RRN3: variants seen among roughly 807,000 people sequenced by gnomAD.
The protein encoded by RRN3 is RNA polymerase I-specific transcription initiation factor RRN3.
In RRN3, 38 loss-of-function variants were observed where a neutral mutation model predicts 82.3. That is an observed-to-expected ratio of 0.46 (90% confidence interval 0.36 to 0.61). RRN3 has a LOEUF of 0.61. Among genes scored for constraint, RRN3 ranks in the 20% least tolerant of loss-of-function variants. The probability of loss-of-function intolerance (pLI) is 0.00; values close to 1 mark genes in which losing one functional copy is unlikely to be tolerated. For synonymous variants in RRN3, 284 were observed against 284.3 expected (o/e 1.00, Z 0.01); for missense variants, 726 against 793.1 (o/e 0.92, Z 1.02).
At chr16:15,091,274 T>C (rs943730991) in intron 3 of RRN3, 41 bp downstream of exon 3, 62 of 1,604,482 alleles carry the variant, frequency 3.9e-5, no homozygotes, top group Non-Finnish European at 5.1e-5. Flanking sequence ...CTGTATACAG[T>C]GGCAATAATT....
Position 15,094,125 on chromosome 16 carries a change from G to A in RRN3, c.89+20C>T. 6.3e-7 allele frequency: 1 copy of A among 1,581,056 alleles called. No individual in the cohort carries two copies. Among genetic ancestry groups the A allele is most frequent in the Non-Finnish European group, 8.6e-7 (1 of 1,161,418 alleles). On this transcript the variant is annotated intron_variant, in intron 1 of 17. Transcript: ENST00000198767. ...GAGCTTTCGTCCCAGATACGCAGAA[G>A]GAAGCGGCCTGAATCTTACCCAGTC...
In RRN3 at chr16:15,075,612, A is replaced by G. The variant is rs2151788670; in HGVS notation, c.859-751T>C. Among the ~76,000 whole-genome samples, 2 of 152,012 alleles carry G rather than the reference A, an allele frequency of 1.3e-5. 1 individual carries two copies. The highest frequency in any genetic ancestry group is 4.2e-4 in the South Asian group (2 of 4,804). ...AGAAAAGAAAGAAAGAAATGCAGAC[A>G]CCTTTCCAGGCAGGGGTCTCATTCA... On this transcript the variant is annotated intron_variant, in intron 10 of 17. Transcript: ENST00000198767.
At chr16:15,081,016 T>C (rs2045681205) in intron 8 of RRN3, among the ~76,000 whole-genome samples, 1 of 152,162 alleles carries the variant, frequency 6.6e-6, no homozygotes, top group South Asian at 2.1e-4. Context: ...TAATACACAG[T>C]CTTTTGGCAT....
Position 15,078,812 on chromosome 16 carries a change from C to CT in RRN3, c.765+1185dup, listed in dbSNP as rs5816111. 1.3e-3 allele frequency among the ~76,000 whole-genome samples: 155 copies of CT among 117,644 alleles called. 1 individual carries two copies. Among genetic ancestry groups the CT allele is most frequent in the South Asian group, 1.7e-3 (6 of 3,536 alleles). 77.2% of individuals were successfully genotyped at this position (117,644 alleles called of 152,430 possible). The stretch of plus-strand genomic sequence containing the variant: ...AACTGCCTCCTCTTCGTATTTTTTT[C>CT]TTTTTTTTTTTTTTTTTGAGACAGA... On this transcript the variant is annotated intron_variant, in intron 9 of 17. Coordinates refer to ENST00000198767, the MANE Select transcript of RRN3 (RefSeq NM_018427.5).
In RRN3 at chr16:15,073,030, T is replaced by G. The variant is rs752435213; in HGVS notation, c.1048A>C (p.Ile350Leu). The G allele has an allele frequency of 2.3e-5, 37 of 1,613,174 alleles. No homozygotes were observed. The highest frequency in any genetic ancestry group is 8.4e-5 in the Admixed American group (5 of 59,796). The change falls in exon 12 of 18, where the codon ATC (isoleucine) becomes CTC (leucine). Residue 350 changes from isoleucine (I) to leucine (L), a missense_variant. Physicochemically the swap from Ile to Leu is conservative, Grantham distance 5. This residue lies in a region of RRN3 where 344 missense variants were observed against 394.5 expected (regional missense o/e 0.87). Coordinates refer to ENST00000198767, the MANE Select transcript of RRN3 (RefSeq NM_018427.5). ...GTGGGCAACAGGAGTTTGTCAAAGATGTTTATCAGGTCGCGATATAGATCC... is the reference window on the plus strand; with the variant it reads ...GTGGGCAACAGGAGTTTGTCAAAGAGGTTTATCAGGTCGCGATATAGATCC... ...TKDLYRDLIN[I>L]FDKLLLPTHA... is the part of the protein sequence containing the mutation.
rs780666887 is a variant in RRN3, at chr16:15,080,059, T to C, written c.704A>G (p.Tyr235Cys). 6.2e-7 allele frequency: 1 copy of C among 1,603,184 alleles called. No homozygotes were observed. The highest frequency in any genetic ancestry group is 1.3e-5 in the African/African-American group (1 of 74,610). ...AATTTCATGCCTCAAGGTTGGAAAA[T>C]ATACACTAATCCTTAGTAAGTTATG... Reference protein sequence around the residue: ...YVHNLLRISVYFPTLRHEILE... With the variant: ...YVHNLLRISVCFPTLRHEILE... The change falls in exon 9 of 18, where the codon TAT becomes TGT. Residue 235 changes from tyrosine (Y) to cysteine (C), a missense_variant. Tyr to Cys is a radical substitution (Grantham distance 194). Transcript: ENST00000198767.
In RRN3 at chr16:15,066,636, T is replaced by TA. The variant is rs67409412; in HGVS notation, c.1554-1266dup. On this transcript the variant is annotated intron_variant, in intron 15 of 17. Transcript: ENST00000198767. ...TGACAGAGCAAGACCTTGTCTCAAATAAAAAAAAAAAAAAAGACAAAAACT... is the reference window on the plus strand; with the variant it reads ...TGACAGAGCAAGACCTTGTCTCAAATAAAAAAAAAAAAAAAAGACAAAAACT... 7.1e-3 allele frequency among the ~76,000 whole-genome samples: 748 copies of TA among 105,444 alleles called. 5 individuals are homozygous for TA. Among genetic ancestry groups the TA allele is most frequent in the African/African-American group, 0.025 (600 of 24,050 alleles). The allele number at this position is 105,444 out of a possible 152,430, so 69.2% of individuals were successfully genotyped here.
rs982430152 is a variant in RRN3 at position 15,084,654 on chromosome 16, C to G, written c.584G>C (p.Arg195Thr). The G allele has an allele frequency of 6.2e-7, 1 of 1,610,104 alleles. No homozygotes were observed. The highest frequency in any genetic ancestry group is 8.5e-7 in the Non-Finnish European group (1 of 1,176,410). ...TCHRALQIIA[R>T]YVPSTPWFLM... ...AAAGTATACTCACGATGGTACATATCTTGCTATTATTTGCAAGGCTCTGTG... is the reference window on the plus strand; with the variant it reads ...AAAGTATACTCACGATGGTACATATGTTGCTATTATTTGCAAGGCTCTGTG... Residue 195 changes from arginine to threonine, a missense_variant, in exon 7 of 18, where the codon AGA (arginine) becomes ACA (threonine). Transcript: ENST00000198767.
chr16:15,065,715 C>A (rs931911155), intron 15 of RRN3, among the ~76,000 whole-genome samples: 1 of 152,030 alleles, frequency 6.6e-6, no homozygotes, highest in Admixed American at 6.5e-5. Context: ...TCTTAGATTA[C>A]GTAACTATAG....
intron 16 of RRN3, among the ~76,000 whole-genome samples, chr16:15,064,616 A>C (rs1228452887): frequency 6.6e-6 from 1 of 152,222 alleles, no homozygotes; most frequent in Non-Finnish European, 1.5e-5. Context: ...CATTAACCTT[A>C]CATGTTTAAA....
Position 15,085,730 on chromosome 16 carries a change from G to C in RRN3, c.473-32C>G, listed in dbSNP as rs1431369014. 2.5e-6 allele frequency: 4 copies of C among 1,611,680 alleles called. No homozygotes were observed. In the African/African-American group the frequency reaches 4.0e-5, roughly 16 times the overall value. On this transcript the variant is annotated intron_variant, in intron 5 of 17. Transcript: ENST00000198767. ...AGGGAAAAAGAAAATATGTTATTCT[G>C]TCATTGATCTAGACAATGAATGGCT...
chr16:15,061,825 G>C lies in RRN3; in HGVS notation c.1875C>G (p.Ser625Arg). The C allele has an allele frequency of 6.2e-7, 1 of 1,614,184 alleles. No homozygotes were observed. The highest frequency in any genetic ancestry group is 8.5e-7 in the Non-Finnish European group (1 of 1,179,972). Residue 625 changes from serine (S) to arginine (R), a missense_variant, in exon 18 of 18, where the codon AGC becomes AGG. Ser to Arg is a moderately radical substitution (Grantham distance 110). This residue lies in a region of RRN3 where 166 missense variants were observed against 154.8 expected (regional missense o/e 1.07). Coordinates refer to ENST00000198767, the MANE Select transcript of RRN3 (RefSeq NM_018427.5). ...GACTTCGGAAATGCGTGTCAAAGGA[G>C]CTTGGTGTGATCCCAATCACGGTAT... ...QNDTVIGITP[S>R]SFDTHFRSPS...
At chr16:15,077,645 T>G (rs1313679465) in intron 9 of RRN3, among the ~76,000 whole-genome samples, 1 of 152,220 alleles carries the variant, frequency 6.6e-6, no homozygotes, top group South Asian at 2.1e-4. Context: ...ATTGAGACCA[T>G]CCTGGCTAAC....
chr16:15,073,138 G>A (rs1213413444), intron 11 of RRN3, 58 bp from the exon 12 acceptor site: 1 of 1,565,196 alleles, frequency 6.4e-7, no homozygotes, highest in Non-Finnish European at 8.7e-7. Flanking sequence ...AGTTTCATCT[G>A]CCATATTTTT....
At chr16:15,077,233 C>T (rs2045498486) in intron 9 of RRN3, among the ~76,000 whole-genome samples, 1 of 152,068 alleles carries the variant, frequency 6.6e-6, no homozygotes, top group Non-Finnish European at 1.5e-5. Flanking sequence ...CCGGCCTCAG[C>T]TTCCCAAAGT....
intron 9 of RRN3, among the ~76,000 whole-genome samples, chr16:15,077,020 C>T (rs1177154677): frequency 6.8e-6 from 1 of 147,552 alleles, no homozygotes; most frequent in African/African-American, 2.5e-5. Flanking sequence ...GCTCTTGTTG[C>T]CCAGGCTGGA....
At chr16:15,074,591 T>A in intron 11 of RRN3, 132 bp downstream of exon 11, 1 of 580,288 alleles carries the variant, frequency 1.7e-6, no homozygotes, top group East Asian at 3.3e-5. Context: ...CCTCTTTAAA[T>A]CATCTTAAAC....
rs139756415 is a variant in RRN3, at chr16:15,063,237, T to G, written c.1753A>C (p.Ser585Arg). The G allele has an allele frequency of 1.1e-5, 18 of 1,613,480 alleles. No individual in the cohort carries two copies. Among genetic ancestry groups the G allele is most frequent in the Middle Eastern group, 3.3e-4 (2 of 6,078 alleles). Reference sequence around the variant, plus strand: ...TTGAACTCCTGTAGCTCTTCAGCACTCATGTCTTCCCACACCTGATAAATA... The same window carrying G: ...TTGAACTCCTGTAGCTCTTCAGCACGCATGTCTTCCCACACCTGATAAATA... ...DPIYQVWEDM[S>R]AEELQEFKKP... The change falls in exon 17 of 18, where the codon AGT becomes CGT. Residue 585 changes from serine to arginine, a missense_variant. By Grantham distance (110) the Ser-to-Arg change is moderately radical (BLOSUM62 -1). Around this residue, in one of 4 missense-constraint regions of RRN3, gnomAD observed 166 missense variants for 154.8 expected, o/e 1.07. Transcript: ENST00000198767.
At chr16:15,070,598 G>C (rs956135319) in intron 13 of RRN3, among the ~76,000 whole-genome samples, 1 of 152,120 alleles carries the variant, frequency 6.6e-6, no homozygotes, top group Non-Finnish European at 1.5e-5. Flanking sequence ...CCTCTCAAGA[G>C]AAAGACAGTC....
Sources: gnomAD v4.1 joint callset for allele counts (sites outside exome capture counted in the v4.1 genomes callset) on GRCh38, gnomAD v4.1.1 for gene constraint, gnomAD v4.1.1 regional missense constraint, MANE v1.5 for transcripts, NCBI Gene and HGNC (gene_info 2026-07-23, HGNC 2026-07-21) for gene names.